RIPK1: variants seen among roughly 807,000 people sequenced by gnomAD.
RIPK1 encodes receptor-interacting serine/threonine-protein kinase 1.
Under a neutral mutation model 62.4 loss-of-function variants are expected in RIPK1, and 27 were observed. The observed-to-expected ratio is 0.43, with a 90% confidence interval of 0.32 to 0.60. The LOEUF is 0.60. Among genes scored for constraint, RIPK1 ranks in the 20% least tolerant of loss-of-function variants. RIPK1 has a pLI of 0.07. For synonymous variants in RIPK1, 287 were observed against 303.2 expected, an observed-to-expected ratio of 0.95 and a Z score of 0.55; for missense variants, 735 against 831.0, an observed-to-expected ratio of 0.88 and a Z score of 1.42.
chr6:3,103,161 A>G (rs1760673351), intron 7 of RIPK1, among the ~76,000 whole-genome samples: 1 of 150,466 alleles, frequency 6.6e-6, no homozygotes, highest in Non-Finnish European at 1.5e-5. Context: ...ACTGCTATTC[A>G]AGTTCTTTGC....
chr6:3,107,402 A>C (rs1013010917), intron 9 of RIPK1, among the ~76,000 whole-genome samples: 14 of 143,160 alleles, frequency 9.8e-5, no homozygotes, highest in Non-Finnish European at 1.7e-4. Context: ...TAAAAATACA[A>C]AAAAAAAAAA....
upstream of RIPK1, among the ~76,000 whole-genome samples, chr6:3,064,328 C>A (rs992323388): frequency 5.3e-5 from 8 of 152,222 alleles, no homozygotes; most frequent in African/African-American, 1.9e-4. Flanking sequence ...CGAAGCCCTC[C>A]CCTGCAGCCT....
In RIPK1 at chr6:3,076,812, T is replaced by C. The variant is rs1581385715; in HGVS notation, c.-12T>C. 2 of 1,612,170 alleles carry C rather than the reference T, an allele frequency of 1.2e-6. No homozygotes were observed. Among genetic ancestry groups the C allele is most frequent in the Admixed American group, 1.7e-5 (1 of 59,902 alleles). On this transcript the variant is annotated 5_prime_UTR_variant, in exon 2 of 11. Transcript: ENST00000259808. Reference sequence around the variant, plus strand: ...AAAAGTGGTACCATTTTGGGCGTTCTTGAGCTTCAGAATGCAACCAGACAT... The same window carrying C: ...AAAAGTGGTACCATTTTGGGCGTTCCTGAGCTTCAGAATGCAACCAGACAT...
chr6:3,072,000 T>G (rs74607135), intron 1 of RIPK1, among the ~76,000 whole-genome samples: 59 of 152,368 alleles, frequency 3.9e-4, no homozygotes, highest in African/African-American at 1.4e-3. Flanking sequence ...TAAATATTAT[T>G]AAACATTCTT....
intron 6 of RIPK1, among the ~76,000 whole-genome samples, chr6:3,087,249 T>C (rs145920621): frequency 1.3e-5 from 2 of 152,182 alleles, no homozygotes; most frequent in Non-Finnish European, 2.9e-5. Flanking sequence ...TTCTTAAATC[T>C]GTAGGTTTAT....
At chr6:3,065,659 A>G, upstream of RIPK1, among the ~76,000 whole-genome samples, 1 of 152,102 alleles carries the variant, frequency 6.6e-6, no homozygotes, top group Non-Finnish European at 1.5e-5. Flanking sequence ...ATTTGGTTTC[A>G]GGCCTGTGGC....
intron 5 of RIPK1, among the ~76,000 whole-genome samples, chr6:3,084,168 G>C (rs1200319390): frequency 6.6e-6 from 1 of 151,328 alleles, no homozygotes; most frequent in African/African-American, 2.5e-5. Flanking sequence ...AACCCTCCTC[G>C]TTTCTGCAGC....
Position 3,105,748 on chromosome 6 carries a change from C to G in RIPK1, c.1273C>G (p.Pro425Ala). 6.2e-7 allele frequency: 1 copy of G among 1,614,162 alleles called. No individual in the cohort carries two copies. ...CCATGACCCTTTTGCACAGCAAAGA[C>G]CTTACGAGAATTTTCAGAATACAGA... ...VSHDPFAQQR[P>A]YENFQNTEGK... is the part of the protein sequence containing the mutation. The change falls in exon 9 of 11, where the codon CCT becomes GCT. Residue 425 changes from proline (P) to alanine (A), a missense_variant. Pro to Ala is a conservative substitution (Grantham distance 27, BLOSUM62 -1). Around this residue, in one of 2 missense-constraint regions of RIPK1, gnomAD observed 671 missense variants for 726.2 expected, o/e 0.92. Transcript: ENST00000259808. This position sits in a 1 kb window ranked among gnomAD's most constrained non-coding sequence, Gnocchi z 4.5.
At chr6:3,111,940 G>A (rs1303100124) in intron 10 of RIPK1, among the ~76,000 whole-genome samples, 5 of 152,358 alleles carry the variant, frequency 3.3e-5, no homozygotes, top group Non-Finnish European at 1.5e-5. Context: ...GGAAAGAAGA[G>A]AGGTGGGAAG....
At chr6:3,100,810 C>G (rs977999955) in intron 7 of RIPK1, among the ~76,000 whole-genome samples, 4 of 152,004 alleles carry the variant, frequency 2.6e-5, no homozygotes, top group Non-Finnish European at 5.9e-5. Flanking sequence ...CCAGGCTGGT[C>G]TTGAACTCCT....
In RIPK1 at chr6:3,087,816, G is replaced by A. The variant is rs576389452; in HGVS notation, c.839-1765G>A. Reference sequence around the variant, plus strand: ...GGCCTCCCAAAGTGTGGGATTACAGGTGTGAGCCACTGTGTCCGGCCTACC... The same window carrying A: ...GGCCTCCCAAAGTGTGGGATTACAGATGTGAGCCACTGTGTCCGGCCTACC... On this transcript the variant is annotated intron_variant, in intron 6 of 10. Transcript: ENST00000259808. Among the ~76,000 whole-genome samples, 16 of 152,238 alleles carry A rather than the reference G, an allele frequency of 1.1e-4. No homozygotes were observed. The East Asian group carries it at 2.1e-3, about 20-fold the overall frequency.
At chr6:3,084,167 C>T (rs932222309) in intron 5 of RIPK1, among the ~76,000 whole-genome samples, 4 of 151,322 alleles carry the variant, frequency 2.6e-5, no homozygotes, top group Non-Finnish European at 4.4e-5. Flanking sequence ...AAACCCTCCT[C>T]GTTTCTGCAG....
Position 3,072,618 on chromosome 6 carries a change from G to C in RIPK1, c.-61+3957G>C, listed in dbSNP as rs1447352270. Among the ~76,000 whole-genome samples, 2 of 152,078 alleles carry C rather than the reference G, an allele frequency of 1.3e-5. No homozygotes were observed. The highest frequency in any genetic ancestry group is 4.8e-5 in the African/African-American group (2 of 41,410). On this transcript the variant is annotated intron_variant, in intron 1 of 10. Transcript: ENST00000259808. This position sits in a 1 kb window ranked among gnomAD's most constrained non-coding sequence, Gnocchi z 5.6. The stretch of plus-strand genomic sequence containing the variant: ...TTGGGTTCTGCTAGGCTCTGGAGAT[G>C]GTGCACAAGACAAGTTTCCTGCCTT...
chr6:3,075,119 G>A (rs559776536), intron 1 of RIPK1, among the ~76,000 whole-genome samples: 39 of 152,304 alleles, frequency 2.6e-4, no homozygotes, highest in African/African-American at 9.1e-4. Flanking sequence ...GTTTTGCCAC[G>A]AAGCTTTTTG....
chr6:3,102,699 C>G (rs1226600724), intron 7 of RIPK1, among the ~76,000 whole-genome samples: 1 of 152,178 alleles, frequency 6.6e-6, no homozygotes. Context: ...CTCCCGGGTT[C>G]AAGCGATTCT....
intron 2 of RIPK1, 43 bp downstream of exon 2, chr6:3,077,030 A>ATGGGGACGTTGGCTGTTG (rs768265639): frequency 1.3e-6 from 2 of 1,537,300 alleles, no homozygotes; most frequent in African/African-American, 2.8e-5. Context: ...TCTGAGCGGG[A>ATGGGGACGTTGGCTGTTG]TGGGGACGTT....
In RIPK1 at chr6:3,072,860, T is replaced by C. The variant is rs1459570584; in HGVS notation, c.-60-3904T>C. On this transcript the variant is annotated intron_variant, in intron 1 of 10. Transcript: ENST00000259808. The surrounding 1 kb of genome is among the most constrained non-coding windows in gnomAD (Gnocchi z 5.6). ...TTCTGCCTGCTCCAGTGATGTGTAGTGAATGAAAAAGGAGGCCTAAAATCA... is the reference window on the plus strand; with the variant it reads ...TTCTGCCTGCTCCAGTGATGTGTAGCGAATGAAAAAGGAGGCCTAAAATCA... Among the ~76,000 whole-genome samples, 3 of 151,860 alleles carry C rather than the reference T, an allele frequency of 2.0e-5. No homozygotes were observed. The highest frequency in any genetic ancestry group is 7.3e-5 in the African/African-American group (3 of 41,184).
intron 5 of RIPK1, 24 bp downstream of exon 5, chr6:3,083,337 T>C (rs1479876297): frequency 8.2e-6 from 13 of 1,582,480 alleles, no homozygotes; most frequent in Non-Finnish European, 1.0e-5. Flanking sequence ...TACTTTCCAC[T>C]GCCGTCCCCT....
chr6:3,102,703 C>A (rs1374685629), intron 7 of RIPK1, among the ~76,000 whole-genome samples: 1 of 152,118 alleles, frequency 6.6e-6, no homozygotes, highest in African/African-American at 2.4e-5. Context: ...CGGGTTCAAG[C>A]GATTCTCCTG....
Sources: gnomAD v4.1 joint callset for allele counts (sites outside exome capture counted in the v4.1 genomes callset) on GRCh38, gnomAD v4.1.1 for gene constraint, gnomAD v4.1.1 regional missense constraint, Gnocchi (gnomAD v3.1) non-coding constraint, MANE v1.5 for transcripts, NCBI Gene and HGNC (gene_info 2026-07-23, HGNC 2026-07-21) for gene names.